The following BAG1 variants were observed in gnomAD, a reference collection of about 807,000 sequenced individuals.
BAG1 encodes BAG family molecular chaperone regulator 1.
BAG1 carries 35 observed loss-of-function variants against 35.5 expected under a neutral mutation model. The observed-to-expected ratio is 0.99, with a 90% CI of 0.75 to 1.31. The LOEUF (loss-of-function observed/expected upper bound fraction) is 1.31, where lower values mean the gene tolerates loss of function less well. Among genes scored for constraint, BAG1 ranks in the 50% most tolerant of loss-of-function variants. The probability of loss-of-function intolerance (pLI) is 0.00; values close to 1 mark genes in which losing one functional copy is unlikely to be tolerated. For synonymous variants in BAG1, 191 were observed against 178.9 expected, an observed-to-expected ratio of 1.07 and a Z score of -0.54; for missense variants, 464 against 453.6, an observed-to-expected ratio of 1.02 and a Z score of -0.21.
At position 33,253,599 on chromosome 9, in the gene BAG1, T is replaced by C. The variant is rs1380685831; in HGVS notation, c.*1620A>G. Reference sequence around the variant, plus strand: ...CCACAAGTCTACCTCTACTACCTTGTCTGAGGTCTTAACCTGCCCAGTCCT... The same window carrying C: ...CCACAAGTCTACCTCTACTACCTTGCCTGAGGTCTTAACCTGCCCAGTCCT... On this transcript the variant is annotated 3_prime_UTR_variant, in exon 7 of 7. Coordinates refer to ENST00000634734, the MANE Select transcript of BAG1 (RefSeq NM_004323.6). The C allele has an allele frequency of 2.0e-5, 3 of 152,258 alleles. No individual in the cohort carries two copies. Among genetic ancestry groups the C allele is most frequent in the African/African-American group, 7.2e-5 (3 of 41,542 alleles). 9.4% of individuals were successfully genotyped at this position (152,258 alleles called of 1,614,324 possible). A position where few individuals can be genotyped will look rare whatever the true frequency, so the allele number is the denominator to read the frequency against.
rs768227132 is a variant in BAG1, at chr9:33,255,921, G to A, written c.892C>T (p.Pro298Ser). The A allele has an allele frequency of 2.2e-5, 35 of 1,613,112 alleles. No homozygotes were observed. Among genetic ancestry groups the A allele is most frequent in the Non-Finnish European group, 2.7e-5 (32 of 1,179,278 alleles). The change falls in exon 6 of 7, where the codon CCA (proline) becomes TCA (serine). Residue 298 changes from proline to serine, a missense_variant. By Grantham distance (74) the Pro-to-Ser change is moderately conservative. Transcript: ENST00000634734. ...AATCTACTGTCTTTGAAATTTTCTG[G>A]CAGGATCTATGGAAGAGTAAGTTGA...
intron 2 of BAG1, chr9:33,262,202 A>C: frequency 1.6e-6 from 2 of 1,289,636 alleles, no homozygotes; most frequent in South Asian, 2.5e-5. Flanking sequence ...GGTGTTTGAG[A>C]GTGTCCAATA....
At position 33,264,575 on chromosome 9, in the gene BAG1, C is replaced by T. The variant is rs538399268; in HGVS notation, c.100G>A (p.Glu34Lys). Reference sequence around the variant, plus strand: ...GGCGGACCACGCTGGGCCGGGGGCTCCGACTGGCGCGGCTCCCGGCCTGGC... The same window carrying T: ...GGCGGACCACGCTGGGCCGGGGGCTTCGACTGGCGCGGCTCCCGGCCTGGC... The change falls in exon 1 of 7, where the codon GAG becomes AAG. Residue 34 changes from glutamate to lysine, a missense_variant. Transcript: ENST00000634734. The T allele has an allele frequency of 7.4e-5, 105 of 1,414,174 alleles. No individual in the cohort carries two copies. In the South Asian group the frequency reaches 1.1e-3, roughly 15 times the overall value. The allele number at this position is 1,414,174 out of a possible 1,614,324, so 87.6% of individuals were successfully genotyped here. A position where few individuals can be genotyped will look rare whatever the true frequency, so the allele number is the denominator to read the frequency against.
Position 33,255,236 on chromosome 9 carries a change from A to C in BAG1, c.1021T>G (p.Phe341Val). 1.2e-6 allele frequency: 2 copies of C among 1,614,184 alleles called. No individual in the cohort carries two copies. The highest frequency in any genetic ancestry group is 1.7e-6 in the Non-Finnish European group (2 of 1,180,020). ...GCTACACCTCACTCGGCCAGGGCAAAGTTTGTAGACTGCAGCCGCTCAGTC... is the reference window on the plus strand; with the variant it reads ...GCTACACCTCACTCGGCCAGGGCAACGTTTGTAGACTGCAGCCGCTCAGTC... The change falls in exon 7 of 7, where the codon TTT becomes GTT. Residue 341 changes from phenylalanine (F) to valine (V), a missense_variant. Phe to Val is a conservative substitution (Grantham distance 50). Coordinates refer to ENST00000634734, the MANE Select transcript of BAG1 (RefSeq NM_004323.6).
chr9:33,262,247 C>G (rs1236546823), intron 2 of BAG1: 5 of 1,269,722 alleles, frequency 3.9e-6, no homozygotes. Flanking sequence ...TGTTGAAGAA[C>G]TGAATGAATA....
At chr9:33,259,984 T>C (rs1022314239) in intron 3 of BAG1, 1 of 152,224 alleles carries the variant, frequency 6.6e-6, no homozygotes. Flanking sequence ...AGAGGTAGAT[T>C]AGACTTAAGT....
chr9:33,255,433 T>C, intron 6 of BAG1, 125 bp from the exon 7 acceptor site: 2 of 1,472,894 alleles, frequency 1.4e-6, no homozygotes, highest in Middle Eastern at 2.3e-4. Flanking sequence ...TGTGCATGAA[T>C]GGAGATGGGC....
chr9:33,264,171 C>A (rs1251414207), intron 1 of BAG1, 53 bp downstream of exon 1: 3 of 1,528,798 alleles, frequency 2.0e-6, no homozygotes, highest in South Asian at 2.4e-5. Context: ...AACCCACAGA[C>A]CCCGCCGGGC....
intron 5 of BAG1, 102 bp from the exon 6 acceptor site, chr9:33,256,029 T>G (rs531110298): frequency 2.8e-6 from 3 of 1,072,408 alleles, no homozygotes; most frequent in Non-Finnish European, 4.3e-6. Flanking sequence ...ACACCCACAG[T>G]ACACAAAACA....
intron 4 of BAG1, among the ~76,000 whole-genome samples, chr9:33,258,298 C>CAAAAAAAAA (rs10591225): frequency 9.5e-5 from 6 of 63,342 alleles, no homozygotes; most frequent in East Asian, 4.9e-4. Flanking sequence ...GACTCCATAT[C>CAAAAAAAAA]AAAAAAAAAA....
Position 33,264,678 on chromosome 9 carries a change from C to A in BAG1, c.-4G>T. The A allele has an allele frequency of 5.2e-6, 7 of 1,356,988 alleles. No individual in the cohort carries two copies. The South Asian group carries it at 5.6e-5, about 11-fold the overall frequency. The allele number at this position is 1,356,988 out of a possible 1,614,324, so 84.1% of individuals were successfully genotyped here. A position where few individuals can be genotyped will look rare whatever the true frequency, so the allele number is the denominator to read the frequency against. The stretch of plus-strand genomic sequence containing the variant: ...GCGCCCCCCCGCGCTGAGCCAGGCC[C>A]GCACTTGTTGACCGCCCAGCGATGG... On this transcript the variant is annotated 5_prime_UTR_variant, in exon 1 of 7. Coordinates refer to ENST00000634734, the MANE Select transcript of BAG1 (RefSeq NM_004323.6).
At chr9:33,263,869 A>C (rs1245905465) in intron 1 of BAG1, among the ~76,000 whole-genome samples, 2 of 152,088 alleles carry the variant, frequency 1.3e-5, no homozygotes, top group Non-Finnish European at 2.9e-5. Context: ...CGAAGTTCTG[A>C]CTTATCACAC....
Position 33,254,932 on chromosome 9 carries a change from A to C in BAG1, c.*287T>G. On this transcript the variant is annotated 3_prime_UTR_variant, in exon 7 of 7. Transcript: ENST00000634734. ...GAGCTCTCACCAGCCCAAAGAAAGC[A>C]CCCAGAGGTCCAAACAGCTGGGAAA... 1 of 1,188,048 alleles carries C rather than the reference A, an allele frequency of 8.4e-7. No individual in the cohort carries two copies. The highest frequency in any genetic ancestry group is 1.1e-6 in the Non-Finnish European group (1 of 889,840). 73.6% of individuals were successfully genotyped at this position (1,188,048 alleles called of 1,614,324 possible).
Position 33,256,814 on chromosome 9 carries a change from T to C in BAG1, c.872A>G (p.Glu291Gly), listed in dbSNP as rs1820463167. The change falls in exon 5 of 7, where the codon GAG (glutamate) becomes GGG (glycine). Residue 291 changes from glutamate to glycine, a missense_variant. Coordinates refer to ENST00000634734, the MANE Select transcript of BAG1 (RefSeq NM_004323.6). ...ATATTTACTTACCAGTGTGTCAATCTCCTCCAAGATCTTCATAAACTGCTC... is the reference window on the plus strand; with the variant it reads ...ATATTTACTTACCAGTGTGTCAATCCCCTCCAAGATCTTCATAAACTGCTC... 6.2e-7 allele frequency: 1 copy of C among 1,613,662 alleles called. No individual in the cohort carries two copies. Among genetic ancestry groups the C allele is most frequent in the Non-Finnish European group, 8.5e-7 (1 of 1,179,628 alleles).
Position 33,264,525 on chromosome 9 carries a change from C to G in BAG1, c.150G>C (p.Arg50=), listed in dbSNP as rs11551680. 2,538 of 1,585,492 alleles carry G rather than the reference C, an allele frequency of 1.6e-3. 5 individuals carry two copies. The highest frequency in any genetic ancestry group is 1.9e-3 in the Non-Finnish European group (2,262 of 1,168,870). Residue 50 remains arginine, a synonymous_variant, in exon 1 of 7, where the codon CGG becomes CGC. Coordinates refer to ENST00000634734, the MANE Select transcript of BAG1 (RefSeq NM_004323.6). ...GTCGGTCATGCCCGCTGGCAGTACT[C>G]CGGGCAGGTGGACGCCCAGAGGGAG...
In BAG1 at chr9:33,253,172, G is replaced by C. The variant is rs1256470163; in HGVS notation, c.*2047C>G. On this transcript the variant is annotated 3_prime_UTR_variant, in exon 7 of 7. Coordinates refer to ENST00000634734, the MANE Select transcript of BAG1 (RefSeq NM_004323.6). ...AGCAGAGAGGAAGTGGGAGCTAGAG[G>C]GAGAGGCAGAGGACAAGAGGAAAAA... is the stretch of plus-strand genomic sequence containing the variant. 2 of 152,272 alleles carry C rather than the reference G, an allele frequency of 1.3e-5. No individual in the cohort carries two copies. The highest frequency in any genetic ancestry group is 2.9e-5 in the Non-Finnish European group (2 of 68,150). The allele number at this position is 152,272 out of a possible 1,614,324, so 9.4% of individuals were successfully genotyped here. A position where few individuals can be genotyped will look rare whatever the true frequency, so the allele number is the denominator to read the frequency against.
rs372060996 is a variant in BAG1, at chr9:33,264,294, C to T, written c.381G>A (p.Glu127=). The T allele has an allele frequency of 1.6e-4, 257 of 1,613,290 alleles. No individual in the cohort carries two copies. Among genetic ancestry groups the T allele is most frequent in the Non-Finnish European group, 2.1e-4 (246 of 1,179,794 alleles). ...TGGTCACCTCCTCGCTCCGGGTCGACTCCTCGTCCCGGGTCACCTCCTGGC... is the reference window on the plus strand; with the variant it reads ...TGGTCACCTCCTCGCTCCGGGTCGATTCCTCGTCCCGGGTCACCTCCTGGC... Residue 127 remains glutamate (E), a synonymous_variant, in exon 1 of 7, where the codon GAG becomes GAA. Transcript: ENST00000634734.
In BAG1 at chr9:33,264,670, G is replaced by A; in HGVS notation, c.5C>T (p.Ala2Val). 7.4e-7 allele frequency: 1 copy of A among 1,349,720 alleles called. No individual in the cohort carries two copies. The highest frequency in any genetic ancestry group is 2.8e-4 in the Middle Eastern group (1 of 3,634). 83.6% of individuals were successfully genotyped at this position (1,349,720 alleles called of 1,614,324 possible). Residue 2 changes from alanine to valine, a missense_variant, in exon 1 of 7, where the codon GCT (alanine) becomes GTT (valine). Coordinates refer to ENST00000634734, the MANE Select transcript of BAG1 (RefSeq NM_004323.6). The stretch of plus-strand genomic sequence containing the variant: ...CGGTCTCCGCGCCCCCCCGCGCTGA[G>A]CCAGGCCCGCACTTGTTGACCGCCC...
At chr9:33,255,450 C>G in intron 6 of BAG1, 142 bp from the exon 7 acceptor site, 1 of 1,383,670 alleles carries the variant, frequency 7.2e-7, no homozygotes, top group South Asian at 1.3e-5. Context: ...GGGCCACTGG[C>G]CTGGGTTCCA....
Sources: gnomAD v4.1 joint callset for allele counts (sites outside exome capture counted in the v4.1 genomes callset) on GRCh38, gnomAD v4.1.1 for gene constraint, MANE v1.5 for transcripts, NCBI Gene and HGNC (gene_info 2026-07-23, HGNC 2026-07-21) for gene names.